The following TNFRSF10A variants were observed in gnomAD, a reference collection of about 807,000 sequenced individuals.
The protein encoded by TNFRSF10A is tumor necrosis factor receptor superfamily member 10A.
In TNFRSF10A, 44 loss-of-function variants were observed where a neutral mutation model predicts 42.8. The observed-to-expected ratio is 1.03, with a 90% CI of 0.81 to 1.32. TNFRSF10A has a LOEUF of 1.32. TNFRSF10A is among the 40% of genes most tolerant of loss of function. TNFRSF10A has a pLI of 0.00. For missense variants in TNFRSF10A, 680 were observed against 602.0 expected, an observed-to-expected ratio of 1.13 and a Z score of -1.36; for synonymous variants, 259 against 234.2, an observed-to-expected ratio of 1.11 and a Z score of -0.97.
chr8:23,205,105 A>G (rs2128848951), intron 2 of TNFRSF10A, among the ~76,000 whole-genome samples: 1 of 152,280 alleles, frequency 6.6e-6, no homozygotes, highest in South Asian at 2.1e-4. Flanking sequence ...AGAACAGAAA[A>G]ACAACAGAGT....
rs73671079 is a variant in TNFRSF10A, at chr8:23,199,499, G to C, written c.832-51C>G. The C allele has an allele frequency of 1.9e-4, 307 of 1,587,476 alleles. 1 individual carries two copies. Among genetic ancestry groups the C allele is most frequent in the Non-Finnish European group, 9.0e-5 (104 of 1,160,964 alleles). On this transcript the variant is annotated intron_variant, in intron 7 of 9. Transcript: ENST00000221132. The stretch of plus-strand genomic sequence containing the variant: ...GAAGCCCACACCCAGGGCTCCCCAC[G>C]GGGTCCGTAGGGCACGGCTGGACCT...
At chr8:23,209,324 C>A (rs1417097959) in intron 2 of TNFRSF10A, among the ~76,000 whole-genome samples, 1 of 152,208 alleles carries the variant, frequency 6.6e-6, no homozygotes, top group Admixed American at 6.5e-5. Flanking sequence ...GGCATCAGAG[C>A]CCCCACACGG....
At chr8:23,203,781 CTT>C (rs373965763) in intron 2 of TNFRSF10A, among the ~76,000 whole-genome samples, 9 of 136,506 alleles carry the variant, frequency 6.6e-5, no homozygotes, top group African/African-American at 8.1e-5. Flanking sequence ...ATAATAAAGG[CTT>C]TTTTTTTTTT....
chr8:23,214,852 C>T (rs1447272157), intron 1 of TNFRSF10A, among the ~76,000 whole-genome samples: 1 of 152,196 alleles, frequency 6.6e-6, no homozygotes, highest in Non-Finnish European at 1.5e-5. Context: ...ACTTTACAAA[C>T]TGTCCCCCAA....
At chr8:23,199,981 G>A (rs1054775859) in intron 6 of TNFRSF10A, 64 bp from the exon 7 acceptor site, 2 of 1,603,644 alleles carry the variant, frequency 1.2e-6, no homozygotes, top group Non-Finnish European at 1.7e-6. Flanking sequence ...CTTCTTAGAG[G>A]GCAGTGTTGG....
intron 2 of TNFRSF10A, among the ~76,000 whole-genome samples, chr8:23,204,494 A>T (rs1307529366): frequency 1.3e-5 from 2 of 152,228 alleles, no homozygotes; most frequent in Non-Finnish European, 2.9e-5. Context: ...ATACCAAAAA[A>T]ATCTAGAAAG....
chr8:23,194,815 G>T (rs1386735692), intron 9 of TNFRSF10A, among the ~76,000 whole-genome samples: 1 of 152,168 alleles, frequency 6.6e-6, no homozygotes, highest in Non-Finnish European at 1.5e-5. Flanking sequence ...ATTAAAAATT[G>T]TTGTCATTGG....
At chr8:23,217,757 C>A (rs1407194669) in intron 1 of TNFRSF10A, among the ~76,000 whole-genome samples, 1 of 152,120 alleles carries the variant, frequency 6.6e-6, no homozygotes, top group South Asian at 2.1e-4. Flanking sequence ...CATGTCGGCG[C>A]CTGGTAGAAA....
chr8:23,207,912 A>C (rs1305397957), intron 2 of TNFRSF10A, among the ~76,000 whole-genome samples: 6 of 152,032 alleles, frequency 3.9e-5, no homozygotes, highest in Non-Finnish European at 8.8e-5. Flanking sequence ...AAAAAAAAAA[A>C]AAAAACTAAT....
In TNFRSF10A at chr8:23,213,436, C is replaced by CTTTTTTTTTTTTTTTT. The variant is rs58691757; in HGVS notation, c.307-1240_307-1225dup. On this transcript the variant is annotated intron_variant, in intron 1 of 9. Coordinates refer to ENST00000221132, the MANE Select transcript of TNFRSF10A (RefSeq NM_003844.4). ...GCTGGTTTGGGCTTAGTTTGCTCCT[C>CTTTTTTTTTTTTTTTT]TTTTTTTTTTTTTTTTTTTTTTTTT... Among the ~76,000 whole-genome samples, 476 of 68,598 alleles carry CTTTTTTTTTTTTTTTT rather than the reference C, an allele frequency of 6.9e-3. 55 individuals are homozygous for CTTTTTTTTTTTTTTTT. Among genetic ancestry groups the CTTTTTTTTTTTTTTTT allele is most frequent in the Non-Finnish European group, 9.4e-3 (360 of 38,134 alleles). The allele number at this position is 68,598 out of a possible 152,430, so 45.0% of individuals were successfully genotyped here. A position where few individuals can be genotyped will look rare whatever the true frequency, so the allele number is the denominator to read the frequency against.
chr8:23,191,423 C>T lies in TNFRSF10A; in HGVS notation c.*271G>A, dbSNP rs1033261534. Reference sequence around the variant, plus strand: ...AAGTGATTCTCCTGCCTCAGCCTCCCGAGTAGCCGAGAATATATGCACACA... The same window carrying T: ...AAGTGATTCTCCTGCCTCAGCCTCCTGAGTAGCCGAGAATATATGCACACA... On this transcript the variant is annotated 3_prime_UTR_variant, in exon 10 of 10. Transcript: ENST00000221132. 12 of 497,526 alleles carry T rather than the reference C, an allele frequency of 2.4e-5. No homozygotes were observed. Among genetic ancestry groups the T allele is most frequent in the African/African-American group, 7.8e-5 (4 of 51,548 alleles). The allele number at this position is 497,526 out of a possible 1,614,324, so 30.8% of individuals were successfully genotyped here. A position where few individuals can be genotyped will look rare whatever the true frequency, so the allele number is the denominator to read the frequency against.
intron 2 of TNFRSF10A, among the ~76,000 whole-genome samples, chr8:23,207,844 T>C (rs1412738120): frequency 6.6e-6 from 1 of 151,504 alleles, no homozygotes; most frequent in Non-Finnish European, 1.5e-5. Context: ...GTAAGTTCAA[T>C]TAAACCTCTT....
In TNFRSF10A at chr8:23,197,138, T is replaced by C. The variant is rs758274362; in HGVS notation, c.1081A>G (p.Thr361Ala). 1.2e-5 allele frequency: 20 copies of C among 1,614,044 alleles called. No individual in the cohort carries two copies. The Admixed American group carries it at 3.0e-4, about 24-fold the overall frequency. Residue 361 changes from threonine (T) to alanine (A), a missense_variant, in exon 9 of 10, where the codon ACT becomes GCT. Coordinates refer to ENST00000221132, the MANE Select transcript of TNFRSF10A (RefSeq NM_003844.4). Reference sequence around the variant, plus strand: ...CCAGGAGCAAAACACTTACTCTCAGTGGGGTCAGCACCATTTGCTGGAACC... The same window carrying C: ...CCAGGAGCAAAACACTTACTCTCAGCGGGGTCAGCACCATTTGCTGGAACC... ...LLVPANGADP[T>A]ETLMLFFDKF... is the part of the protein sequence containing the mutation.
intron 1 of TNFRSF10A, 160 bp downstream of exon 1, chr8:23,224,596 C>T (rs969957811): frequency 1.8e-5 from 18 of 997,354 alleles, no homozygotes; most frequent in South Asian, 6.9e-5. Flanking sequence ...GCCCCGGGGA[C>T]CCCGTTCTTC....
chr8:23,198,756 T>C (rs932588474), intron 8 of TNFRSF10A, among the ~76,000 whole-genome samples: 24 of 152,136 alleles, frequency 1.6e-4, no homozygotes, highest in African/African-American at 5.6e-4. Context: ...TGTGTGTACA[T>C]GCATGTGTGT....
intron 1 of TNFRSF10A, among the ~76,000 whole-genome samples, chr8:23,215,749 C>CTTATTATTATTATAATGATAT (rs1801169346): frequency 6.6e-6 from 1 of 151,858 alleles, no homozygotes; most frequent in African/African-American, 2.4e-5. Context: ...TAATAACATC[C>CTTATTATTATTATAATGATAT]CATCATTAAT....
chr8:23,204,330 C>T (rs750503181), intron 2 of TNFRSF10A, among the ~76,000 whole-genome samples: 22 of 151,942 alleles, frequency 1.4e-4, no homozygotes, highest in African/African-American at 3.6e-4. Flanking sequence ...CTCAGTCTCA[C>T]GAGAAACTAA....
chr8:23,211,808 T>C (rs995735259), intron 2 of TNFRSF10A, among the ~76,000 whole-genome samples: 9 of 152,218 alleles, frequency 5.9e-5, no homozygotes, highest in African/African-American at 1.7e-4. Context: ...GGCAACTGGA[T>C]AGCCACATGC....
intron 2 of TNFRSF10A, among the ~76,000 whole-genome samples, chr8:23,209,311 T>C (rs537567190): frequency 6.6e-5 from 10 of 152,262 alleles, no homozygotes; most frequent in Non-Finnish European, 1.5e-5. Flanking sequence ...GGAAGGGAAA[T>C]GTGGCATCAG....
Sources: gnomAD v4.1 joint callset for allele counts (sites outside exome capture counted in the v4.1 genomes callset) on GRCh38, gnomAD v4.1.1 for gene constraint, MANE v1.5 for transcripts, NCBI Gene and HGNC (gene_info 2026-07-23, HGNC 2026-07-21) for gene names.